Variants in CMIP observed in about 807,000 individuals in gnomAD.
The protein encoded by CMIP is C-Maf-inducing protein.
A neutral mutation model predicts 97.3 loss-of-function variants in CMIP; 13 were observed. That is an observed-to-expected ratio of 0.13 (90% CI 0.09 to 0.21). The LOEUF is 0.21. Among genes scored for constraint, CMIP ranks in the 10% least tolerant of loss-of-function variants. CMIP has a pLI of 1.00. For synonymous variants in CMIP, 538 were observed against 436.3 expected, an observed-to-expected ratio of 1.23 and a Z score of -2.91; for missense variants, 847 against 1,024.9, an observed-to-expected ratio of 0.83 and a Z score of 2.37.
At chr16:81,565,839 T>C (rs1054025155) in intron 1 of CMIP, among the ~76,000 whole-genome samples, 2 of 152,206 alleles carry the variant, frequency 1.3e-5, no homozygotes, top group African/African-American at 4.8e-5. Flanking sequence ...CTTCAGGATG[T>C]GCCGACTCTC....
chr16:81,491,683 G>A (rs796912364), intron 1 of CMIP, among the ~76,000 whole-genome samples: 19 of 152,280 alleles, frequency 1.2e-4, no homozygotes, highest in African/African-American at 3.8e-4. Flanking sequence ...GCCGCTTGAC[G>A]TCCCCAACTC....
At chr16:81,567,130 A>C (rs911310254) in intron 1 of CMIP, among the ~76,000 whole-genome samples, 1 of 152,330 alleles carries the variant, frequency 6.6e-6, no homozygotes. Context: ...TCAGCCATAC[A>C]GTTTCTGTGG....
chr16:81,557,973 A>G (rs1170778836), intron 1 of CMIP, among the ~76,000 whole-genome samples: 2 of 151,970 alleles, frequency 1.3e-5, no homozygotes, highest in Non-Finnish European at 2.9e-5. Context: ...AGCCCCTGAC[A>G]CCTACCATTC....
intron 1 of CMIP, among the ~76,000 whole-genome samples, chr16:81,455,902 C>A (rs1351800849): frequency 6.6e-5 from 10 of 152,190 alleles, no homozygotes; most frequent in Non-Finnish European, 1.0e-4. Flanking sequence ...TCAGGCTGGA[C>A]CTCAGGGCCA....
chr16:81,633,239 T>C (rs2150977732), intron 3 of CMIP, among the ~76,000 whole-genome samples: 1 of 152,340 alleles, frequency 6.6e-6, no homozygotes, highest in South Asian at 2.1e-4. Flanking sequence ...GTGTGTCTCT[T>C]TCACAGCCAG....
At chr16:81,615,725 G>C (rs1295959352) in intron 2 of CMIP, among the ~76,000 whole-genome samples, 1 of 146,618 alleles carries the variant, frequency 6.8e-6, no homozygotes, top group African/African-American at 2.5e-5. Flanking sequence ...TGTGTAACTG[G>C]TGTGTGTGTG....
At chr16:81,475,465 T>C (rs1907846500) in intron 1 of CMIP, among the ~76,000 whole-genome samples, 1 of 152,080 alleles carries the variant, frequency 6.6e-6, no homozygotes, top group South Asian at 2.1e-4. Flanking sequence ...CATACTCTTA[T>C]AGAACACTCC....
Position 81,670,619 on chromosome 16 carries a change from TTG to T in CMIP, c.929+375_929+376del, listed in dbSNP as rs1491577100. On this transcript the variant is annotated intron_variant, in intron 8 of 20. Coordinates refer to ENST00000537098, the MANE Select transcript of CMIP (RefSeq NM_198390.3). ...TTGGGGTTGGTGTTTTGGGTTTTTT[TTG>T]GGGGGGGGGGGGGTGGTTGCTTTTG... 7.9e-3 allele frequency among the ~76,000 whole-genome samples: 504 copies of T among 63,884 alleles called. 4 individuals are homozygous for T. Among genetic ancestry groups the T allele is most frequent in the African/African-American group, 0.02 (432 of 21,490 alleles). 41.9% of individuals were successfully genotyped at this position (63,884 alleles called of 152,430 possible).
At chr16:81,644,392 G>T (rs1475761747) in intron 3 of CMIP, among the ~76,000 whole-genome samples, 1 of 152,212 alleles carries the variant, frequency 6.6e-6, no homozygotes, top group East Asian at 1.9e-4. Context: ...GTTTGACCCA[G>T]GGTGTCTCTG....
chr16:81,690,670 A>G (rs575259812), intron 10 of CMIP, among the ~76,000 whole-genome samples: 4 of 152,346 alleles, frequency 2.6e-5, no homozygotes, highest in South Asian at 4.1e-4. Context: ...CACCTGGCCT[A>G]TCCCAGCACT....
At chr16:81,552,625 A>G (rs2150858950) in intron 1 of CMIP, among the ~76,000 whole-genome samples, 1 of 152,204 alleles carries the variant, frequency 6.6e-6, no homozygotes, top group East Asian at 1.9e-4. Context: ...GACCAACTCG[A>G]CAATCTGGGA....
rs747068215 is a variant in CMIP at position 81,678,533 on chromosome 16, C to T, written c.1293C>T (p.Cys431=). 1.1e-5 allele frequency: 18 copies of T among 1,606,308 alleles called. No homozygotes were observed. The highest frequency in any genetic ancestry group is 1.4e-5 in the Non-Finnish European group (17 of 1,177,428). The change falls in exon 10 of 21, where the codon TGC becomes TGT. Residue 431 remains cysteine, a synonymous_variant. Coordinates refer to ENST00000537098, the MANE Select transcript of CMIP (RefSeq NM_198390.3). The part of the protein sequence containing the change: ...GNDSEPNLID[C]LMVSPACSTM... ...ACAGCGAGCCCAACCTCATCGACTG[C>T]CTCATGGTCAGCCCCGCCTGCAGCA...
chr16:81,515,481 C>T (rs1397730067), intron 1 of CMIP, among the ~76,000 whole-genome samples: 7 of 152,160 alleles, frequency 4.6e-5, no homozygotes, highest in Non-Finnish European at 7.3e-5. Flanking sequence ...TTTCAGAGAA[C>T]GCACTATTGA....
chr16:81,581,753 C>A (rs2150905877), intron 1 of CMIP, among the ~76,000 whole-genome samples: 1 of 152,286 alleles, frequency 6.6e-6, no homozygotes, highest in Non-Finnish European at 1.5e-5. Flanking sequence ...GCAAGGGAAC[C>A]ACTTCCTCAC....
At chr16:81,512,401 C>A (rs574384372) in intron 1 of CMIP, among the ~76,000 whole-genome samples, 3 of 152,304 alleles carry the variant, frequency 2.0e-5, no homozygotes, top group Non-Finnish European at 2.9e-5. Flanking sequence ...CCAGTGGGCA[C>A]CAGCAATCAC....
At chr16:81,680,206 G>A (rs968579626) in intron 10 of CMIP, among the ~76,000 whole-genome samples, 3 of 152,230 alleles carry the variant, frequency 2.0e-5, no homozygotes, top group Non-Finnish European at 4.4e-5. Context: ...TGGGTGGGTG[G>A]GGTTTCCCTG....
intron 16 of CMIP, 74 bp from the exon 17 acceptor site, chr16:81,702,548 G>A: frequency 7.1e-7 from 1 of 1,418,282 alleles, no homozygotes; most frequent in Non-Finnish European, 9.8e-7. Context: ...CATGAGTGTT[G>A]TTAACAGAGG....
chr16:81,704,258 T>C (rs182239327), intron 18 of CMIP, among the ~76,000 whole-genome samples, 173 bp downstream of exon 18: 5 of 21,982 alleles, frequency 2.3e-4, no homozygotes, highest in Admixed American at 1.2e-3. Context: ...TCCCTGCCCC[T>C]TCACCCTCCT....
At chr16:81,685,861 C>T (rs1905327678) in intron 10 of CMIP, among the ~76,000 whole-genome samples, 1 of 152,132 alleles carries the variant, frequency 6.6e-6, no homozygotes, top group South Asian at 2.1e-4. Flanking sequence ...ACCATGTGCC[C>T]ACCAGTGTCC....
Sources: gnomAD v4.1 joint callset for allele counts (sites outside exome capture counted in the v4.1 genomes callset) on GRCh38, gnomAD v4.1.1 for gene constraint, MANE v1.5 for transcripts, NCBI Gene and HGNC (gene_info 2026-07-23, HGNC 2026-07-21) for gene names.